STAU2: variants seen among roughly 807,000 people sequenced by gnomAD.
STAU2 encodes the protein staufen double-stranded RNA binding protein 2, also known as double-stranded RNA-binding protein Staufen homolog 2.
STAU2 carries 20 observed loss-of-function variants against 65.9 expected under a neutral mutation model. That is an observed-to-expected ratio of 0.30 (90% CI 0.21 to 0.44). The LOEUF (loss-of-function observed/expected upper bound fraction) is 0.44, where lower values mean the gene tolerates loss of function less well. Among genes scored for constraint, STAU2 ranks in the 20% least tolerant of loss-of-function variants. The pLI is 1.00. For synonymous variants in STAU2, 232 were observed against 233.9 expected (o/e 0.99, Z 0.07); for missense variants, 558 against 683.9 (o/e 0.82, Z 2.05).
chr8:73,561,876 C>T (rs1164000681), intron 12 of STAU2, among the ~76,000 whole-genome samples: 6 of 152,138 alleles, frequency 3.9e-5, no homozygotes. Context: ...TGAATATTCC[C>T]ATTTTACACT....
chr8:73,516,072 T>C (rs2128926194), intron 13 of STAU2, among the ~76,000 whole-genome samples: 1 of 151,996 alleles, frequency 6.6e-6, no homozygotes, highest in African/African-American at 2.4e-5. Flanking sequence ...TAGCTGGGAC[T>C]ATAGGCACAC....
chr8:73,437,579 C>T (rs1817800511), intron 13 of STAU2, among the ~76,000 whole-genome samples: 1 of 152,240 alleles, frequency 6.6e-6, no homozygotes. Context: ...TCACACATTG[C>T]TGTTGGTTTA....
At chr8:73,649,428 G>C (rs1250859015) in intron 6 of STAU2, among the ~76,000 whole-genome samples, 1 of 151,890 alleles carries the variant, frequency 6.6e-6, no homozygotes, top group African/African-American at 2.4e-5. Context: ...CCTGATCTTT[G>C]CAATTTTCTA....
chr8:73,609,571 T>C (rs1486029775), intron 9 of STAU2, among the ~76,000 whole-genome samples: 6 of 151,908 alleles, frequency 3.9e-5, no homozygotes, highest in African/African-American at 1.5e-4. Context: ...GGAGAATCGA[T>C]TGAACCCAGG....
chr8:73,584,611 T>C (rs1334224928), intron 11 of STAU2, among the ~76,000 whole-genome samples: 1 of 152,182 alleles, frequency 6.6e-6, no homozygotes, highest in Non-Finnish European at 1.5e-5. Flanking sequence ...AGAGTAATCA[T>C]GCTACCTTTG....
intron 6 of STAU2, among the ~76,000 whole-genome samples, chr8:73,660,241 C>G (rs1390993323): frequency 6.6e-6 from 1 of 152,088 alleles, no homozygotes; most frequent in East Asian, 1.9e-4. Flanking sequence ...ACCAGCCTGA[C>G]CAACATGGTG....
intron 13 of STAU2, among the ~76,000 whole-genome samples, chr8:73,518,612 C>T (rs1204958211): frequency 6.6e-6 from 1 of 152,092 alleles, no homozygotes; most frequent in East Asian, 1.9e-4. Flanking sequence ...TGATATTTTT[C>T]AGCCATTTCA....
At chr8:73,681,364 C>G in intron 5 of STAU2, among the ~76,000 whole-genome samples, 1 of 152,170 alleles carries the variant, frequency 6.6e-6, no homozygotes, top group East Asian at 1.9e-4. Context: ...TCCAGTGAAA[C>G]TAAGCTTCAT....
intron 4 of STAU2, among the ~76,000 whole-genome samples, chr8:73,701,602 A>G (rs1048960217): frequency 6.6e-6 from 1 of 152,182 alleles, no homozygotes; most frequent in African/African-American, 2.4e-5. Flanking sequence ...AAGGTTGTGG[A>G]GAAAAGGGTA....
intron 3 of STAU2, among the ~76,000 whole-genome samples, chr8:73,729,708 C>T (rs1805909573): frequency 6.6e-6 from 1 of 152,048 alleles, no homozygotes; most frequent in Non-Finnish European, 1.5e-5. Flanking sequence ...GGTTTTTTAA[C>T]TAATTCAATC....
At chr8:73,655,364 C>A (rs563024780) in intron 6 of STAU2, among the ~76,000 whole-genome samples, 1 of 152,108 alleles carries the variant, frequency 6.6e-6, no homozygotes, top group Non-Finnish European at 1.5e-5. Context: ...TCAAAAAATA[C>A]ATAAATTCTG....
At chr8:73,487,433 T>C (rs1412701768) in intron 13 of STAU2, among the ~76,000 whole-genome samples, 2 of 152,202 alleles carry the variant, frequency 1.3e-5, no homozygotes, top group Admixed American at 6.5e-5. Context: ...TATGTAATAA[T>C]AGAGGAGGCT....
upstream of STAU2, chr8:73,747,438 C>T (rs1234159027): frequency 2.6e-6 from 4 of 1,534,886 alleles, no homozygotes; most frequent in Admixed American, 5.9e-5. Context: ...GACGCGCGAC[C>T]ATCCCGCGTC....
chr8:73,747,296 C>A, upstream of STAU2: 2 of 1,464,440 alleles, frequency 1.4e-6, no homozygotes, highest in Admixed American at 4.1e-5. Flanking sequence ...GCAGCCCCTT[C>A]CACACCTGCA....
chr8:73,738,344 CA>C lies in STAU2; in HGVS notation c.-79del. Reference sequence around the variant, plus strand: ...CAAACTGCTGTATCCCTCACGGCTCCAAAAACTGGAAAACGAAAATGAAGAA... The same window carrying C: ...CAAACTGCTGTATCCCTCACGGCTCCAAAACTGGAAAACGAAAATGAAGAA... On this transcript the variant is annotated 5_prime_UTR_variant, in exon 3 of 15. Coordinates refer to ENST00000524300, the MANE Select transcript of STAU2 (RefSeq NM_001164380.2). The C allele has an allele frequency of 1.9e-6, 3 of 1,574,696 alleles. No homozygotes were observed. The highest frequency in any genetic ancestry group is 2.0e-5 in the Admixed American group (1 of 49,096).
intron 5 of STAU2, among the ~76,000 whole-genome samples, chr8:73,686,290 C>A (rs527367010): frequency 6.6e-6 from 1 of 152,110 alleles, no homozygotes. Flanking sequence ...GTGGCTCACA[C>A]CTGTAATCCC....
intron 13 of STAU2, among the ~76,000 whole-genome samples, chr8:73,531,626 A>G (rs1250121613): frequency 6.6e-6 from 1 of 152,234 alleles, no homozygotes; most frequent in Non-Finnish European, 1.5e-5. Flanking sequence ...ATCAGTGTTC[A>G]TGAAACTGTG....
At chr8:73,722,820 T>A (rs1209319242) in intron 3 of STAU2, among the ~76,000 whole-genome samples, 1 of 152,158 alleles carries the variant, frequency 6.6e-6, no homozygotes, top group Non-Finnish European at 1.5e-5. Context: ...TTTACCATGG[T>A]CCAATCGACA....
intron 13 of STAU2, among the ~76,000 whole-genome samples, chr8:73,469,556 C>A (rs894048547): frequency 2.6e-5 from 4 of 151,534 alleles, no homozygotes; most frequent in African/African-American, 9.7e-5. Flanking sequence ...GGTAGGAGGC[C>A]TATTCGGCAA....
Sources: gnomAD v4.1 joint callset for allele counts (sites outside exome capture counted in the v4.1 genomes callset) on GRCh38, gnomAD v4.1.1 for gene constraint, MANE v1.5 for transcripts, NCBI Gene and HGNC (gene_info 2026-07-23, HGNC 2026-07-21) for gene names.